The following GNG7 variants were observed in gnomAD, a reference collection of about 807,000 sequenced individuals.
GNG7 encodes G protein subunit gamma 7, also known as guanine nucleotide-binding protein G(I)/G(S)/G(O) subunit gamma-7.
Under a neutral mutation model 4.0 loss-of-function variants are expected in GNG7, and 1 was observed. The observed-to-expected ratio is 0.25, with a 90% confidence interval of 0.09 to 1.18. The LOEUF (loss-of-function observed/expected upper bound fraction) is 1.18. Among genes scored for constraint, GNG7 ranks in the 50% most tolerant of loss-of-function variants. The probability of loss-of-function intolerance (pLI) is 0.50; values close to 1 mark genes in which losing one functional copy is unlikely to be tolerated. For missense variants in GNG7, 86 were observed against 91.9 expected (o/e 0.94, Z 0.26); for synonymous variants, 34 against 36.9 (o/e 0.92, Z 0.29).
chr19:2,543,068 A>G (rs1979015371), intron 3 of GNG7, among the ~76,000 whole-genome samples: 1 of 151,440 alleles, frequency 6.6e-6, no homozygotes, highest in Admixed American at 6.6e-5. Context: ...ATCCACCACC[A>G]CACCAGGCTT....
intron 2 of GNG7, among the ~76,000 whole-genome samples, chr19:2,559,657 G>A (rs975913341): frequency 2.0e-5 from 3 of 152,126 alleles, no homozygotes; most frequent in African/African-American, 4.8e-5. Flanking sequence ...TGGGATTACA[G>A]GCATGCACCG....
At chr19:2,567,111 CA>C (rs375974742) in intron 2 of GNG7, among the ~76,000 whole-genome samples, 2,999 of 112,890 alleles carry the variant, frequency 0.027, 81 homozygotes, top group African/African-American at 0.078. Context: ...GACTCCGTCT[CA>C]AAAAAAAAAA....
intron 2 of GNG7, among the ~76,000 whole-genome samples, chr19:2,574,184 C>T (rs761005585): frequency 4.6e-5 from 7 of 152,254 alleles, no homozygotes; most frequent in Admixed American, 3.3e-4. Context: ...TCTGACATCA[C>T]GCCTTCAAAC....
intron 2 of GNG7, among the ~76,000 whole-genome samples, chr19:2,637,640 G>C (rs1205262355): frequency 2.0e-5 from 3 of 152,208 alleles, no homozygotes; most frequent in Non-Finnish European, 4.4e-5. Flanking sequence ...CACCACACCT[G>C]CTCACCACTA....
intron 3 of GNG7, among the ~76,000 whole-genome samples, chr19:2,553,703 T>C (rs370549820): frequency 2.8e-5 from 4 of 145,090 alleles, no homozygotes; most frequent in East Asian, 1.9e-4. Flanking sequence ...ATGTGCACAT[T>C]ACATATAATA....
chr19:2,673,460 A>G (rs1269139351), intron 1 of GNG7, among the ~76,000 whole-genome samples: 1 of 152,002 alleles, frequency 6.6e-6, no homozygotes, highest in Non-Finnish European at 1.5e-5. Context: ...TGGGAGGCCG[A>G]GGCGGGCGGC....
chr19:2,553,608 T>C (rs1599386992), intron 3 of GNG7, among the ~76,000 whole-genome samples: 1 of 146,734 alleles, frequency 6.8e-6, no homozygotes, highest in East Asian at 1.9e-4. Flanking sequence ...ATGCAATATA[T>C]CATACTACAT....
chr19:2,577,475 G>A (rs559968172), intron 2 of GNG7, among the ~76,000 whole-genome samples: 4 of 152,118 alleles, frequency 2.6e-5, no homozygotes, highest in South Asian at 2.1e-4. Context: ...GGGCCTTCTC[G>A]CAATGCACCG....
At chr19:2,522,240 G>T (rs1193940667) in intron 3 of GNG7, among the ~76,000 whole-genome samples, 1 of 152,166 alleles carries the variant, frequency 6.6e-6, no homozygotes, top group Non-Finnish European at 1.5e-5. Flanking sequence ...CCAGCCTAGA[G>T]AAACCTGCTT....
At chr19:2,641,357 C>A (rs973524609) in intron 2 of GNG7, among the ~76,000 whole-genome samples, 2 of 152,162 alleles carry the variant, frequency 1.3e-5, no homozygotes, top group Non-Finnish European at 2.9e-5. Flanking sequence ...AAAGGGACCG[C>A]AGATGGGATG....
At chr19:2,632,751 CAG>C (rs1982197591) in intron 2 of GNG7, 1 of 152,304 alleles carries the variant, frequency 6.6e-6, no homozygotes, top group East Asian at 1.9e-4. Flanking sequence ...ACCTGGGCAA[CAG>C]AGTGAGACTC....
At chr19:2,638,377 G>GAAAT (rs1982373011) in intron 2 of GNG7, among the ~76,000 whole-genome samples, 1 of 133,984 alleles carries the variant, frequency 7.5e-6, no homozygotes, top group Non-Finnish European at 1.6e-5. Flanking sequence ...GAAAAGAAAA[G>GAAAT]AAAAGGGGAA....
rs978599286 is a variant in GNG7, at chr19:2,512,441, C to T, written c.*2581G>A. 2.4e-5 allele frequency: 21 copies of T among 881,594 alleles called. No individual in the cohort carries two copies. Among genetic ancestry groups the T allele is most frequent in the South Asian group, 1.0e-4 (2 of 19,292 alleles). The allele number at this position is 881,594 out of a possible 1,614,324, so 54.6% of individuals were successfully genotyped here. On this transcript the variant is annotated 3_prime_UTR_variant, in exon 5 of 5. Transcript: ENST00000382159. This position sits in a 1 kb window ranked among gnomAD's most constrained non-coding sequence, Gnocchi z 4.7. Reference sequence around the variant, plus strand: ...TGGCAATGGCCACCTCCCTGGGGTCCGGGAGATGGTGGGGTCTGGACAGCT... The same window carrying T: ...TGGCAATGGCCACCTCCCTGGGGTCTGGGAGATGGTGGGGTCTGGACAGCT...
At chr19:2,682,352 C>CA (rs1456436475) in intron 1 of GNG7, among the ~76,000 whole-genome samples, 1 of 152,040 alleles carries the variant, frequency 6.6e-6, no homozygotes, top group Non-Finnish European at 1.5e-5. Context: ...AAAATGCAGA[C>CA]AGAGCCATCT....
At chr19:2,639,231 C>CA (rs61023034) in intron 2 of GNG7, among the ~76,000 whole-genome samples, 28,263 of 141,760 alleles carry the variant, frequency 0.2, 3,740 homozygotes, top group African/African-American at 0.39. Flanking sequence ...GAGACTCTGT[C>CA]AAAAAAAAAA....
intron 2 of GNG7, among the ~76,000 whole-genome samples, chr19:2,581,596 C>T (rs1356270059): frequency 1.3e-5 from 2 of 152,172 alleles, no homozygotes; most frequent in Non-Finnish European, 2.9e-5. Context: ...ATGCCCACTT[C>T]TGCACGTGTT....
chr19:2,553,746 AT>A lies in GNG7; in HGVS notation c.-38+1402del, dbSNP rs1407468447. 1.7e-4 allele frequency among the ~76,000 whole-genome samples: 25 copies of A among 148,996 alleles called. 1 individual carries two copies. The East Asian group carries it at 4.3e-3, about 25-fold the overall frequency. ...TATATGTACATATTACATGCAATAT[AT>A]TACATATATGCACATATTGCATGTA... On this transcript the variant is annotated intron_variant, in intron 3 of 4. Coordinates refer to ENST00000382159, the MANE Select transcript of GNG7 (RefSeq NM_052847.3).
chr19:2,585,669 T>C (rs1205098582), intron 2 of GNG7, among the ~76,000 whole-genome samples: 2 of 152,196 alleles, frequency 1.3e-5, no homozygotes, highest in African/African-American at 2.4e-5. Flanking sequence ...ATCATTCATA[T>C]ACCATAAAAT....
intron 3 of GNG7, among the ~76,000 whole-genome samples, chr19:2,553,462 T>C (rs2144760049): frequency 6.8e-6 from 1 of 147,248 alleles, no homozygotes; most frequent in South Asian, 2.1e-4. Context: ...CAATATATTA[T>C]GTTATATATT....
Sources: gnomAD v4.1 joint callset for allele counts (sites outside exome capture counted in the v4.1 genomes callset) on GRCh38, gnomAD v4.1.1 for gene constraint, Gnocchi (gnomAD v3.1) non-coding constraint, MANE v1.5 for transcripts, NCBI Gene and HGNC (gene_info 2026-07-23, HGNC 2026-07-21) for gene names.